Variants in CNTNAP2 observed in about 807,000 individuals in gnomAD.
CNTNAP2 encodes the protein contactin-associated protein-like 2.
In CNTNAP2, 98 loss-of-function variants were observed where a neutral mutation model predicts 155.2. The ratio of observed to expected loss-of-function variants is 0.63; its 90% CI spans 0.54 to 0.75. The LOEUF (loss-of-function observed/expected upper bound fraction) is 0.75, where lower values mean the gene tolerates loss of function less well. Ranked by LOEUF, CNTNAP2 falls within the 30% of genes least tolerant of loss-of-function variation. The pLI is 0.00. For missense variants in CNTNAP2, 1,727 were observed against 1,688.1 expected (o/e 1.02, Z -0.40); for synonymous variants, 651 against 631.2 (o/e 1.03, Z -0.47).
intron 18 of CNTNAP2, among the ~76,000 whole-genome samples, chr7:148,213,968 C>T (rs1795593199): frequency 6.6e-6 from 1 of 152,212 alleles, no homozygotes; most frequent in Admixed American, 6.5e-5. Flanking sequence ...GGCATGATGC[C>T]TCAGACTTCA....
At chr7:146,873,358 T>C (rs1795353973) in intron 3 of CNTNAP2, among the ~76,000 whole-genome samples, 1 of 152,240 alleles carries the variant, frequency 6.6e-6, no homozygotes, top group African/African-American at 2.4e-5. Flanking sequence ...TGACAGTTTG[T>C]ATTTCTTCTC....
intron 1 of CNTNAP2, among the ~76,000 whole-genome samples, chr7:146,647,847 T>A (rs1406674330): frequency 6.6e-6 from 1 of 152,208 alleles, no homozygotes; most frequent in Non-Finnish European, 1.5e-5. Context: ...TCTATAGTCA[T>A]CCTAAGAAGG....
In CNTNAP2 at chr7:147,062,938, G is replaced by T. The variant is rs180739046; in HGVS notation, c.550+18884G>T. Among the ~76,000 whole-genome samples the T allele has an allele frequency of 2.2e-3, 334 of 152,260 alleles. 1 individual carries two copies. The highest frequency in any genetic ancestry group is 3.5e-3 in the Non-Finnish European group (240 of 68,016). ...GTTGCCTTCAAATCAAAATATAATT[G>T]ATACTACTCAGAAAAGAGATTTTCT... On this transcript the variant is annotated intron_variant, in intron 4 of 23. Coordinates refer to ENST00000361727, the MANE Select transcript of CNTNAP2 (RefSeq NM_014141.6).
chr7:147,725,526 C>A (rs118081216), intron 13 of CNTNAP2, among the ~76,000 whole-genome samples: 1 of 151,992 alleles, frequency 6.6e-6, no homozygotes, highest in African/African-American at 2.4e-5. Context: ...GTGGGAAGCT[C>A]GCAAGAAAGA....
chr7:147,108,742 G>A (rs983947095), intron 5 of CNTNAP2, among the ~76,000 whole-genome samples: 1 of 151,994 alleles, frequency 6.6e-6, no homozygotes, highest in African/African-American at 2.4e-5. Context: ...TATGATAAAG[G>A]GACTAGGTTA....
chr7:148,229,126 G>C (rs1465234979), intron 19 of CNTNAP2, among the ~76,000 whole-genome samples: 1 of 152,150 alleles, frequency 6.6e-6, no homozygotes, highest in Non-Finnish European at 1.5e-5. Flanking sequence ...AAATATGTGC[G>C]AGCCTGGTGC....
chr7:147,061,451 T>G (rs1014370337), intron 4 of CNTNAP2, among the ~76,000 whole-genome samples: 1 of 152,236 alleles, frequency 6.6e-6, no homozygotes, highest in African/African-American at 2.4e-5. Context: ...ATTTTAAGCT[T>G]CCATCTTGCT....
chr7:146,832,937 C>A (rs562703344), intron 2 of CNTNAP2, among the ~76,000 whole-genome samples: 1 of 152,076 alleles, frequency 6.6e-6, no homozygotes, highest in Non-Finnish European at 1.5e-5. Flanking sequence ...CTCAAGTGAT[C>A]CACCCGCCTC....
chr7:146,963,204 C>T (rs904431777), intron 3 of CNTNAP2: 1 of 152,164 alleles, frequency 6.6e-6, no homozygotes, highest in African/African-American at 2.4e-5. Context: ...AAATGATCGA[C>T]AAAAGTTGAC....
chr7:147,754,204 CATA>C (rs1343908612), intron 13 of CNTNAP2, among the ~76,000 whole-genome samples: 5 of 152,190 alleles, frequency 3.3e-5, no homozygotes, highest in Non-Finnish European at 7.4e-5. Context: ...TCCATCATTT[CATA>C]ATAACACTCA....
intron 10 of CNTNAP2, among the ~76,000 whole-genome samples, chr7:147,452,288 A>T (rs1179145331): frequency 6.6e-6 from 1 of 152,168 alleles, no homozygotes; most frequent in African/African-American, 2.4e-5. Context: ...GTATTTTCAG[A>T]TTGCATCTTA....
chr7:146,872,943 A>T (rs1344275909), intron 3 of CNTNAP2, among the ~76,000 whole-genome samples: 4 of 152,192 alleles, frequency 2.6e-5, no homozygotes, highest in Non-Finnish European at 5.9e-5. Context: ...ATTCATAACT[A>T]TCCCAACATA....
chr7:147,385,700 T>C (rs1796614076), intron 9 of CNTNAP2, among the ~76,000 whole-genome samples: 1 of 152,228 alleles, frequency 6.6e-6, no homozygotes, highest in Non-Finnish European at 1.5e-5. Flanking sequence ...TCCTGGCTGC[T>C]TTCAAGAGCT....
At chr7:147,378,484 TAAGTG>T (rs1040059591) in intron 9 of CNTNAP2, among the ~76,000 whole-genome samples, 1 of 152,056 alleles carries the variant, frequency 6.6e-6, no homozygotes, top group Non-Finnish European at 1.5e-5. Flanking sequence ...GACATTATGT[TAAGTG>T]AAGTAAACCA....
intron 21 of CNTNAP2, among the ~76,000 whole-genome samples, chr7:148,371,295 T>C (rs567286273): frequency 6.6e-6 from 1 of 152,290 alleles, no homozygotes; most frequent in South Asian, 2.1e-4. Context: ...GTGTGTCCTA[T>C]ACAATTTGGT....
At chr7:146,804,149 G>A (rs977232488) in intron 2 of CNTNAP2, among the ~76,000 whole-genome samples, 3 of 152,058 alleles carry the variant, frequency 2.0e-5, no homozygotes, top group South Asian at 2.1e-4. Context: ...GGCTGGCAAA[G>A]GAAGCAAGAG....
intron 13 of CNTNAP2, among the ~76,000 whole-genome samples, chr7:147,856,169 G>A (rs1258329097): frequency 6.6e-6 from 1 of 151,042 alleles, no homozygotes; most frequent in Non-Finnish European, 1.5e-5. Flanking sequence ...GCCTCCTGGA[G>A]CCCATATAGG....
intron 1 of CNTNAP2, among the ~76,000 whole-genome samples, chr7:146,470,415 A>G (rs577805654): frequency 6.6e-6 from 1 of 152,286 alleles, no homozygotes; most frequent in Admixed American, 6.5e-5. Context: ...CAAAATGCCT[A>G]GCACATATGA....
At chr7:148,273,550 G>T (rs1353060441) in intron 21 of CNTNAP2, among the ~76,000 whole-genome samples, 2 of 152,168 alleles carry the variant, frequency 1.3e-5, no homozygotes, top group African/African-American at 2.4e-5. Context: ...GTAAATCAGA[G>T]TAATATAAAA....
Sources: gnomAD v4.1 joint callset for allele counts (sites outside exome capture counted in the v4.1 genomes callset) on GRCh38, gnomAD v4.1.1 for gene constraint, MANE v1.5 for transcripts, NCBI Gene and HGNC (gene_info 2026-07-23, HGNC 2026-07-21) for gene names.